Variants in CDH13 observed in about 807,000 individuals in gnomAD.
CDH13 encodes cadherin-13.
A neutral mutation model predicts 63.8 loss-of-function variants in CDH13; 24 were observed. The observed-to-expected ratio is 0.38, with a 90% CI of 0.27 to 0.53. The LOEUF (loss-of-function observed/expected upper bound fraction) is 0.53. Ranked by LOEUF, CDH13 falls within the 20% of genes least tolerant of loss-of-function variation. The pLI is 0.85. For missense variants in CDH13, 1,049 were observed against 903.1 expected, an observed-to-expected ratio of 1.16 and a Z score of -2.07; for synonymous variants, 503 against 355.3, an observed-to-expected ratio of 1.42 and a Z score of -4.67.
At chr16:83,676,011 C>T (rs558171994) in intron 9 of CDH13, among the ~76,000 whole-genome samples, 1 of 152,106 alleles carries the variant, frequency 6.6e-6, no homozygotes, top group Non-Finnish European at 1.5e-5. Context: ...TCTGCAGCCT[C>T]CCAGGCAGCT....
chr16:83,378,110 C>T lies in CDH13; in HGVS notation c.781+33104C>T, dbSNP rs189761913. 6.6e-5 allele frequency among the ~76,000 whole-genome samples: 10 copies of T among 152,296 alleles called. No homozygotes were observed. In the East Asian group the frequency reaches 1.9e-3, roughly 29 times the overall value. ...CAGGCATTTGCTTCCTAAGAGCACA[C>T]CTTGCAGAAGCAGCATCACCATCAT... On this transcript the variant is annotated intron_variant, in intron 6 of 13. Transcript: ENST00000567109.
intron 8 of CDH13, among the ~76,000 whole-genome samples, chr16:83,633,489 C>G (rs1910963685): frequency 6.6e-6 from 1 of 152,200 alleles, no homozygotes. Flanking sequence ...GCTGAGTCAG[C>G]ACAAAAGGCC....
intron 8 of CDH13, among the ~76,000 whole-genome samples, chr16:83,664,508 ATAAT>A (rs1331691934): frequency 6.7e-5 from 10 of 149,510 alleles, no homozygotes; most frequent in African/African-American, 2.4e-4. Flanking sequence ...TATATTTTAT[ATAAT>A]TAGTTTTTAT....
At chr16:83,234,159 G>C (rs79742691) in intron 5 of CDH13, among the ~76,000 whole-genome samples, 1 of 152,244 alleles carries the variant, frequency 6.6e-6, no homozygotes. Flanking sequence ...TAGGCAGTGT[G>C]TGGCAACACT....
intron 7 of CDH13, among the ~76,000 whole-genome samples, chr16:83,513,168 G>A (rs2074615192): frequency 6.6e-6 from 1 of 152,142 alleles, no homozygotes; most frequent in Non-Finnish European, 1.5e-5. Context: ...AACAAAATAA[G>A]TTGAGGTTGG....
At chr16:83,447,077 A>C (rs1056330595) in intron 6 of CDH13, among the ~76,000 whole-genome samples, 2 of 136,638 alleles carry the variant, frequency 1.5e-5, no homozygotes, top group African/African-American at 2.7e-5. Flanking sequence ...AAAAAAAACA[A>C]AAAACACCTT....
chr16:83,215,795 C>G lies in CDH13; in HGVS notation c.484-1550C>G, dbSNP rs77706385. On this transcript the variant is annotated intron_variant, in intron 4 of 13. Transcript: ENST00000567109. ...TTGGTGACAGCTAGATCTGTATCAG[C>G]TTTCTTTTATCTGTGTGTCCTGAAT... Among the ~76,000 whole-genome samples, 939 of 152,208 alleles carry G rather than the reference C, an allele frequency of 6.2e-3. 12 individuals carry two copies. The highest frequency in any genetic ancestry group is 0.022 in the African/African-American group (895 of 41,528).
chr16:82,888,728 C>G (rs1003318429), intron 2 of CDH13, among the ~76,000 whole-genome samples: 4 of 152,222 alleles, frequency 2.6e-5, no homozygotes, highest in Non-Finnish European at 5.9e-5. Context: ...GACAGCAGCC[C>G]TGAAACTTGA....
At chr16:83,094,214 G>T (rs1308565815) in intron 3 of CDH13, among the ~76,000 whole-genome samples, 1 of 152,182 alleles carries the variant, frequency 6.6e-6, no homozygotes, top group Non-Finnish European at 1.5e-5. Flanking sequence ...CCTGGTCTGT[G>T]CTGCACGTGA....
At chr16:82,941,976 C>G (rs898549186) in intron 2 of CDH13, among the ~76,000 whole-genome samples, 1 of 152,156 alleles carries the variant, frequency 6.6e-6, no homozygotes, top group East Asian at 1.9e-4. Flanking sequence ...AATTACAAGT[C>G]TCTTCCCTTT....
chr16:83,359,261 A>G (rs905212348), intron 6 of CDH13, among the ~76,000 whole-genome samples: 3 of 152,170 alleles, frequency 2.0e-5, no homozygotes, highest in African/African-American at 4.8e-5. Context: ...TAAACATGTT[A>G]TCTTACCTCT....
Position 83,344,880 on chromosome 16 carries a change from G to C in CDH13, c.655G>C (p.Asp219His). 6.2e-7 allele frequency: 1 copy of C among 1,613,878 alleles called. No homozygotes were observed. Among genetic ancestry groups the C allele is most frequent in the Non-Finnish European group, 8.5e-7 (1 of 1,179,804 alleles). Residue 219 changes from aspartate to histidine, a missense_variant, in exon 6 of 14, where the codon GAT (aspartate) becomes CAT (histidine). Physicochemically the swap from Asp to His is moderately conservative, Grantham distance 81. Transcript: ENST00000567109. ...AVYQLFVETT[D>H]VNGKTLEGPV... The stretch of plus-strand genomic sequence containing the variant: ...CAAATAGCTATTTGTGGAGACCACT[G>C]ATGTCAATGGCAAAACTCTCGAGGG...
rs191601106 is a variant in CDH13, at chr16:82,654,369, C to T, written c.45+27232C>T. 5.9e-5 allele frequency among the ~76,000 whole-genome samples: 9 copies of T among 152,244 alleles called. No homozygotes were observed. In the South Asian group the frequency reaches 6.2e-4, roughly 11 times the overall value. Reference sequence around the variant, plus strand: ...CTCTTGCAGAAGAGATGGTTCTTTCCCCTTGAGTTGTTTTGAGCCAAGCAT... The same window carrying T: ...CTCTTGCAGAAGAGATGGTTCTTTCTCCTTGAGTTGTTTTGAGCCAAGCAT... On this transcript the variant is annotated intron_variant, in intron 1 of 13. Transcript: ENST00000567109.
intron 1 of CDH13, among the ~76,000 whole-genome samples, chr16:82,745,798 A>G (rs1468111216): frequency 6.6e-6 from 1 of 152,160 alleles, no homozygotes; most frequent in Non-Finnish European, 1.5e-5. Context: ...ACATTACTGA[A>G]TATTTAGCTT....
intron 7 of CDH13, among the ~76,000 whole-genome samples, chr16:83,582,453 C>G (rs1488831211): frequency 6.6e-6 from 1 of 151,956 alleles, no homozygotes; most frequent in Admixed American, 6.6e-5. Context: ...TAAGGTACTG[C>G]CTTGTTATGC....
At chr16:83,069,677 C>G (rs1421732167) in intron 3 of CDH13, among the ~76,000 whole-genome samples, 2 of 152,142 alleles carry the variant, frequency 1.3e-5, no homozygotes, top group Non-Finnish European at 2.9e-5. Context: ...ATCCTCTTGT[C>G]TTTTCCTGGG....
At chr16:82,692,062 G>T (rs957583294) in intron 1 of CDH13, among the ~76,000 whole-genome samples, 1 of 152,206 alleles carries the variant, frequency 6.6e-6, no homozygotes, top group East Asian at 1.9e-4. Flanking sequence ...GGATATGGCT[G>T]GACAATGAAT....
chr16:83,502,007 T>C (rs1489924549), intron 7 of CDH13, among the ~76,000 whole-genome samples: 1 of 152,208 alleles, frequency 6.6e-6, no homozygotes, highest in African/African-American at 2.4e-5. Flanking sequence ...TTATTACTTG[T>C]GTGGCCTTGG....
At chr16:83,325,365 A>G (rs1036715875) in intron 5 of CDH13, among the ~76,000 whole-genome samples, 1 of 152,200 alleles carries the variant, frequency 6.6e-6, no homozygotes, top group Non-Finnish European at 1.5e-5. Context: ...TTTGAAATCT[A>G]GATGAAGATT....
Sources: gnomAD v4.1 joint callset for allele counts (sites outside exome capture counted in the v4.1 genomes callset) on GRCh38, gnomAD v4.1.1 for gene constraint, MANE v1.5 for transcripts, NCBI Gene and HGNC (gene_info 2026-07-23, HGNC 2026-07-21) for gene names.